Variants in RALYL observed in about 807,000 individuals in gnomAD.
RALYL encodes RNA-binding Raly-like protein.
A neutral mutation model predicts 35.1 loss-of-function variants in RALYL; 29 were observed. The observed-to-expected ratio is 0.83, with a 90% CI of 0.61 to 1.13. The LOEUF is 1.13. Among genes scored for constraint, RALYL ranks in the 50% most tolerant of loss-of-function variants. The probability of loss-of-function intolerance (pLI) is 0.00; values close to 1 mark genes in which losing one functional copy is unlikely to be tolerated. For synonymous variants in RALYL, 120 were observed against 127.6 expected (o/e 0.94, Z 0.40); for missense variants, 359 against 360.4 (o/e 1.00, Z 0.03).
chr8:84,490,870 A>G, intron 1 of RALYL, among the ~76,000 whole-genome samples: 1 of 151,818 alleles, frequency 6.6e-6, no homozygotes, highest in East Asian at 1.9e-4. Context: ...GGGATCATTC[A>G]ATGTGATTTA....
intron 2 of RALYL, among the ~76,000 whole-genome samples, chr8:84,729,631 C>G (rs935300416): frequency 6.6e-6 from 1 of 151,932 alleles, no homozygotes; most frequent in African/African-American, 2.4e-5. Context: ...ATTGTTAGAC[C>G]GCTAGCAAGA....
intron 8 of RALYL, among the ~76,000 whole-genome samples, chr8:84,898,827 C>A (rs762657498): frequency 2.0e-5 from 3 of 152,136 alleles, no homozygotes; most frequent in Non-Finnish European, 4.4e-5. Context: ...TATCTGGAAA[C>A]CTTCCTGAAA....
chr8:84,575,221 CAT>C (rs1403116849), intron 2 of RALYL, among the ~76,000 whole-genome samples: 4 of 152,274 alleles, frequency 2.6e-5, no homozygotes, highest in East Asian at 3.9e-4. Flanking sequence ...CAGACCTAAA[CAT>C]GTGTGCCAAT....
intron 1 of RALYL, among the ~76,000 whole-genome samples, chr8:84,251,616 G>T (rs1018436388): frequency 6.6e-6 from 1 of 151,688 alleles, no homozygotes; most frequent in Non-Finnish European, 1.5e-5. Context: ...TGTACATTTC[G>T]CCTTACCTTT....
At chr8:84,730,647 G>A (rs894358003) in intron 2 of RALYL, among the ~76,000 whole-genome samples, 1 of 142,004 alleles carries the variant, frequency 7.0e-6, no homozygotes, top group Non-Finnish European at 1.5e-5. Context: ...CATTGTCTCA[G>A]CCCAAAAACT....
intron 2 of RALYL, among the ~76,000 whole-genome samples, chr8:84,641,098 ACT>A (rs955899174): frequency 5.4e-5 from 8 of 149,190 alleles, no homozygotes; most frequent in East Asian, 2.0e-4. Flanking sequence ...ATTCATATAA[ACT>A]CTTTTTTCAT....
chr8:84,231,289 A>G (rs1370993881), intron 1 of RALYL, among the ~76,000 whole-genome samples: 1 of 152,174 alleles, frequency 6.6e-6, no homozygotes, highest in Non-Finnish European at 1.5e-5. Flanking sequence ...ATGACACGGC[A>G]TGGGGAAAAG....
intron 1 of RALYL, among the ~76,000 whole-genome samples, chr8:84,462,313 G>A (rs532046149): frequency 1.6e-3 from 248 of 151,360 alleles, no homozygotes; most frequent in Middle Eastern, 0.014. Context: ...GCATTTTAAA[G>A]GTTCTCAATA....
intron 1 of RALYL, among the ~76,000 whole-genome samples, chr8:84,342,277 A>ATATAT (rs1848942440): frequency 0.02 from 1,343 of 66,134 alleles, 139 homozygotes; most frequent in African/African-American, 0.061. Flanking sequence ...AGCATCGTTC[A>ATATAT]ATATATATAT....
At chr8:84,504,882 G>T (rs1257412832) in intron 1 of RALYL, among the ~76,000 whole-genome samples, 1 of 152,054 alleles carries the variant, frequency 6.6e-6, no homozygotes, top group Non-Finnish European at 1.5e-5. Flanking sequence ...TATACTCTTG[G>T]CCCCAGGGTC....
intron 4 of RALYL, among the ~76,000 whole-genome samples, chr8:84,834,761 A>G (rs1831607523): frequency 6.6e-6 from 1 of 152,244 alleles, no homozygotes; most frequent in African/African-American, 2.4e-5. Flanking sequence ...ACATTCTAAT[A>G]TCAATATACA....
intron 1 of RALYL, among the ~76,000 whole-genome samples, chr8:84,511,564 A>G (rs1475301408): frequency 9.8e-5 from 15 of 152,294 alleles, no homozygotes; most frequent in Non-Finnish European, 2.9e-5. Flanking sequence ...ATTTGAAATC[A>G]TTTCTACTAG....
At chr8:84,632,594 T>TGTGTGA (rs1824157385) in intron 2 of RALYL, among the ~76,000 whole-genome samples, 1 of 151,694 alleles carries the variant, frequency 6.6e-6, no homozygotes, top group Non-Finnish European at 1.5e-5. Context: ...TGTGTGTGTG[T>TGTGTGA]GTGTGTGTGT....
intron 1 of RALYL, among the ~76,000 whole-genome samples, chr8:84,353,680 CCTTT>C (rs1851323111): frequency 6.7e-6 from 1 of 150,176 alleles, no homozygotes; most frequent in Non-Finnish European, 1.5e-5. Context: ...ACATTAACTG[CCTTT>C]CTAACTTATG....
chr8:84,485,276 C>T (rs1004480825), intron 1 of RALYL, among the ~76,000 whole-genome samples: 1 of 152,112 alleles, frequency 6.6e-6, no homozygotes, highest in Middle Eastern at 3.2e-3. Flanking sequence ...ACATCTCATA[C>T]TCAATATGCC....
chr8:84,847,864 C>T (rs1834990398), intron 4 of RALYL, among the ~76,000 whole-genome samples: 1 of 152,092 alleles, frequency 6.6e-6, no homozygotes, highest in South Asian at 2.1e-4. Context: ...CCATGTGTTC[C>T]ATTTGACAGA....
At chr8:84,797,133 T>C (rs1171599583) in intron 3 of RALYL, among the ~76,000 whole-genome samples, 2 of 152,238 alleles carry the variant, frequency 1.3e-5, no homozygotes, top group Admixed American at 6.5e-5. Context: ...GAGGGATTTC[T>C]TGTTGCATCA....
chr8:84,671,359 G>C (rs146372385), intron 2 of RALYL, among the ~76,000 whole-genome samples: 12 of 152,258 alleles, frequency 7.9e-5, no homozygotes, highest in African/African-American at 2.9e-4. Context: ...CTGGGGTCTG[G>C]AGGATGGGGG....
intron 2 of RALYL, among the ~76,000 whole-genome samples, 197 bp from the exon 3 acceptor site, chr8:84,774,382 T>C (rs1415652434): frequency 6.6e-6 from 1 of 152,204 alleles, no homozygotes; most frequent in Admixed American, 6.5e-5. Context: ...GGCAGAGATA[T>C]AATCTGTTTT....
Sources: gnomAD v4.1 joint callset for allele counts (sites outside exome capture counted in the v4.1 genomes callset) on GRCh38, gnomAD v4.1.1 for gene constraint, MANE v1.5 for transcripts, NCBI Gene and HGNC (gene_info 2026-07-23, HGNC 2026-07-21) for gene names.